The following IGF1R variants were observed in gnomAD, a reference collection of about 807,000 sequenced individuals.
IGF1R encodes insulin like growth factor 1 receptor.
A neutral mutation model predicts 144.6 loss-of-function variants in IGF1R; 44 were observed. The observed-to-expected ratio is 0.30, with a 90% CI of 0.24 to 0.39. IGF1R has a LOEUF of 0.39. Ranked by LOEUF, IGF1R falls within the 10% of genes least tolerant of loss-of-function variation. IGF1R has a pLI of 1.00. For synonymous variants in IGF1R, 795 were observed against 722.8 expected, an observed-to-expected ratio of 1.10 and a Z score of -1.60; for missense variants, 1,355 against 1,833.7, an observed-to-expected ratio of 0.74 and a Z score of 4.77.
chr15:98,916,506 C>G (rs986892123), intron 9 of IGF1R, 166 bp from the exon 10 acceptor site: 4 of 697,244 alleles, frequency 5.7e-6, no homozygotes, highest in Non-Finnish European at 1.0e-5. Context: ...AGGTGATTTG[C>G]CCGCCTCGGC....
At chr15:98,721,556 C>T (rs2054247392) in intron 2 of IGF1R, among the ~76,000 whole-genome samples, 1 of 152,062 alleles carries the variant, frequency 6.6e-6, no homozygotes, top group African/African-American at 2.4e-5. Context: ...GCAGTGGTGG[C>T]ATCTTGGACC....
chr15:98,859,414 C>T (rs1339671594), intron 2 of IGF1R, among the ~76,000 whole-genome samples: 1 of 152,232 alleles, frequency 6.6e-6, no homozygotes, highest in Non-Finnish European at 1.5e-5. Context: ...TTCCTTTGCA[C>T]TACTGCATCT....
intron 2 of IGF1R, among the ~76,000 whole-genome samples, chr15:98,733,145 A>T (rs78468403): frequency 1.3e-5 from 2 of 152,154 alleles, no homozygotes; most frequent in African/African-American, 4.8e-5. Flanking sequence ...GAACCACCAC[A>T]GTGATCCGAG....
chr15:98,720,466 G>A (rs2054221163), intron 2 of IGF1R, among the ~76,000 whole-genome samples: 1 of 152,174 alleles, frequency 6.6e-6, no homozygotes, highest in Admixed American at 6.5e-5. Context: ...ACTTGGAATG[G>A]TATGAAGCAG....
chr15:98,947,507 C>T (rs1214888324), intron 19 of IGF1R, among the ~76,000 whole-genome samples: 1 of 152,140 alleles, frequency 6.6e-6, no homozygotes, highest in Non-Finnish European at 1.5e-5. Context: ...GATGAGTAGC[C>T]TATTTTACTC....
At chr15:98,806,074 G>A (rs1383704206) in intron 2 of IGF1R, among the ~76,000 whole-genome samples, 2 of 152,184 alleles carry the variant, frequency 1.3e-5, no homozygotes, top group East Asian at 3.9e-4. Context: ...CTGATAACTT[G>A]CTAGGTTATT....
rs373363061 is a variant in IGF1R, at chr15:98,893,916, A to G, written c.953+2279A>G. On this transcript the variant is annotated intron_variant, in intron 3 of 20. Coordinates refer to ENST00000650285, the MANE Select transcript of IGF1R (RefSeq NM_000875.5). ...GCTTATTTAACAATTACTTTGAAAT[A>G]TTTAATTTTTTCATCTTGTTTATAC... 5.5e-4 allele frequency among the ~76,000 whole-genome samples: 84 copies of G among 152,342 alleles called. 3 individuals are homozygous for G. In the South Asian group the frequency reaches 0.015, roughly 27 times the overall value.
intron 7 of IGF1R, among the ~76,000 whole-genome samples, chr15:98,912,125 G>T (rs1357939173): frequency 1.3e-5 from 2 of 151,406 alleles, no homozygotes; most frequent in East Asian, 3.9e-4. Context: ...CTATATCCAG[G>T]TGGCTACCCC....
intron 2 of IGF1R, among the ~76,000 whole-genome samples, chr15:98,732,751 T>C (rs2054522957): frequency 6.6e-6 from 1 of 152,094 alleles, no homozygotes; most frequent in Admixed American, 6.5e-5. Context: ...GGGGAGAATG[T>C]TTGTGCTGTT....
intron 1 of IGF1R, among the ~76,000 whole-genome samples, chr15:98,701,146 C>T (rs183577128): frequency 7.2e-5 from 11 of 152,020 alleles, no homozygotes; most frequent in Admixed American, 3.3e-4. Context: ...GAGACAAAAC[C>T]GACTTCTCAC....
chr15:98,953,718 G>A (rs1474149153), intron 20 of IGF1R, among the ~76,000 whole-genome samples: 2 of 152,190 alleles, frequency 1.3e-5, no homozygotes, highest in Non-Finnish European at 2.9e-5. Flanking sequence ...ATTCAGGAGG[G>A]AATCTGAACT....
intron 2 of IGF1R, among the ~76,000 whole-genome samples, chr15:98,776,508 A>G (rs931314364): frequency 2.0e-5 from 3 of 152,238 alleles, no homozygotes; most frequent in African/African-American, 7.2e-5. Flanking sequence ...TTTAAAAAAG[A>G]AACTTACTAG....
rs777500976 is a variant in IGF1R at position 98,943,044 on chromosome 15, G to A, written c.3579G>A (p.Ser1193=). 14 of 1,614,084 alleles carry A rather than the reference G, an allele frequency of 8.7e-6. No homozygotes were observed. The highest frequency in any genetic ancestry group is 4.5e-5 in the East Asian group (2 of 44,898). Reference sequence around the variant, plus strand: ...AGGATGGAGTCTTCACCACTTACTCGGACGTCTGGTATGAGAACCTTTACT... The same window carrying A: ...AGGATGGAGTCTTCACCACTTACTCAGACGTCTGGTATGAGAACCTTTACT... ...SLKDGVFTTY[S]DVWSFGVVLW... is the part of the protein sequence containing the mutation. The change falls in exon 19 of 21, where the codon TCG becomes TCA. Residue 1193 remains serine (S), a synonymous_variant. Coordinates refer to ENST00000650285, the MANE Select transcript of IGF1R (RefSeq NM_000875.5).
At chr15:98,716,513 T>C (rs1177701907) in intron 2 of IGF1R, among the ~76,000 whole-genome samples, 1 of 152,236 alleles carries the variant, frequency 6.6e-6, no homozygotes, top group Non-Finnish European at 1.5e-5. Context: ...TTCTGGGTTC[T>C]AATCTGTACC....
chr15:98,954,445 C>T (rs1567221247), intron 20 of IGF1R: 2 of 152,022 alleles, frequency 1.3e-5, no homozygotes, highest in South Asian at 4.1e-4. Flanking sequence ...TTTATCAGCT[C>T]ACACATCCTT....
chr15:98,795,217 G>A lies in IGF1R; in HGVS notation c.640+87110G>A, dbSNP rs141569444. On this transcript the variant is annotated intron_variant, in intron 2 of 20. Transcript: ENST00000650285. ...TTTTCTTTAAAGTTCAAAATGGGGC[G>A]AAAGAGGGTAGGAAAGGAAAAGTTT... Among the ~76,000 whole-genome samples, 431 of 152,300 alleles carry A rather than the reference G, an allele frequency of 2.8e-3. 2 individuals carry two copies. Among genetic ancestry groups the A allele is most frequent in the African/African-American group, 9.4e-3 (391 of 41,574 alleles).
chr15:98,943,057 G>C lies in IGF1R; in HGVS notation c.3587+5G>C. The C allele has an allele frequency of 3.1e-6, 5 of 1,614,198 alleles. No individual in the cohort carries two copies. The highest frequency in any genetic ancestry group is 3.4e-6 in the Non-Finnish European group (4 of 1,180,020). ...CACCACTTACTCGGACGTCTGGTAT[G>C]AGAACCTTTACTGCATTGCCAGCCT... On this transcript the variant is annotated splice_donor_5th_base_variant and intron_variant, in intron 19 of 20. Coordinates refer to ENST00000650285, the MANE Select transcript of IGF1R (RefSeq NM_000875.5).
At chr15:98,953,500 C>G (rs1417183253) in intron 20 of IGF1R, among the ~76,000 whole-genome samples, 1 of 152,164 alleles carries the variant, frequency 6.6e-6, no homozygotes, top group African/African-American at 2.4e-5. Context: ...CGTGCTGACC[C>G]TGAGGTCACA....
intron 1 of IGF1R, among the ~76,000 whole-genome samples, chr15:98,690,998 A>G (rs1002932528): frequency 2.0e-5 from 3 of 152,234 alleles, no homozygotes; most frequent in African/African-American, 7.2e-5. Flanking sequence ...AGATTTACAG[A>G]AAAGTTGCCG....
Sources: gnomAD v4.1 joint callset for allele counts (sites outside exome capture counted in the v4.1 genomes callset) on GRCh38, gnomAD v4.1.1 for gene constraint, MANE v1.5 for transcripts, NCBI Gene and HGNC (gene_info 2026-07-23, HGNC 2026-07-21) for gene names.